Variants in CNBD1 observed in about 807,000 individuals in gnomAD.
CNBD1 encodes the protein cyclic nucleotide-binding domain-containing protein 1.
In CNBD1, 71 loss-of-function variants were observed where a neutral mutation model predicts 54.4. The ratio of observed to expected loss-of-function variants is 1.30; its 90% CI spans 1.08 to 1.59. The LOEUF (loss-of-function observed/expected upper bound fraction) is 1.59, where lower values mean the gene tolerates loss of function less well. Ranked by LOEUF, CNBD1 falls within the 40% of genes most tolerant of loss-of-function variation. The pLI is 0.00. For missense variants in CNBD1, 659 were observed against 518.0 expected (o/e 1.27, Z -2.64); for synonymous variants, 182 against 170.7 (o/e 1.07, Z -0.51).
intron 4 of CNBD1, among the ~76,000 whole-genome samples, chr8:87,101,599 A>T (rs1470172434): frequency 6.6e-6 from 1 of 152,202 alleles, no homozygotes; most frequent in Middle Eastern, 3.2e-3. Flanking sequence ...ACAAAATGTC[A>T]ATAATAATGT....
chr8:87,428,106 A>G (rs1808079865), intron 2 of CNBD1, among the ~76,000 whole-genome samples: 1 of 151,448 alleles, frequency 6.6e-6, no homozygotes, highest in African/African-American at 2.4e-5. Context: ...ACATGCCTAT[A>G]TCTTAGGAGC....
intron 4 of CNBD1, among the ~76,000 whole-genome samples, chr8:87,055,895 C>G (rs1586226668): frequency 1.2e-5 from 1 of 84,288 alleles, no homozygotes; most frequent in Admixed American, 1.1e-4. Context: ...TCCTTCCTTC[C>G]TTCCTTCCTT....
chr8:87,424,634 G>T (rs1170579891), intron 2 of CNBD1, among the ~76,000 whole-genome samples: 6 of 152,158 alleles, frequency 3.9e-5, no homozygotes, highest in Non-Finnish European at 7.4e-5. Flanking sequence ...ACTGTGGTCT[G>T]AGAGAGACCC....
At chr8:87,380,330 A>T (rs1586065176) in intron 10 of CNBD1, among the ~76,000 whole-genome samples, 1 of 151,854 alleles carries the variant, frequency 6.6e-6, no homozygotes, top group East Asian at 1.9e-4. Flanking sequence ...TTGATCATAT[A>T]TACATGGATT....
chr8:87,090,526 C>T (rs1003880724), intron 4 of CNBD1, among the ~76,000 whole-genome samples: 1 of 152,134 alleles, frequency 6.6e-6, no homozygotes, highest in Non-Finnish European at 1.5e-5. Context: ...ATGTAAGTGT[C>T]TACAACAGCA....
chr8:87,175,251 T>C (rs1813173508), intron 4 of CNBD1, among the ~76,000 whole-genome samples: 1 of 152,128 alleles, frequency 6.6e-6, no homozygotes, highest in African/African-American at 2.4e-5. Flanking sequence ...GCCAAGCTGG[T>C]ATCTAAGGTG....
At chr8:86,898,798 T>C (rs1288633258) in intron 2 of CNBD1, among the ~76,000 whole-genome samples, 2 of 152,118 alleles carry the variant, frequency 1.3e-5, no homozygotes, top group Non-Finnish European at 2.9e-5. Context: ...GCATGACTGA[T>C]GAAAGATAAA....
chr8:87,384,570 T>G (rs569251364), downstream of CNBD1, among the ~76,000 whole-genome samples: 17 of 152,270 alleles, frequency 1.1e-4, 2 homozygotes, highest in South Asian at 3.5e-3. Flanking sequence ...AAAATTAAAC[T>G]GCATAAAGTC....
intron 4 of CNBD1, among the ~76,000 whole-genome samples, chr8:87,070,777 A>G (rs1022104219): frequency 6.6e-6 from 1 of 152,110 alleles, no homozygotes; most frequent in Non-Finnish European, 1.5e-5. Flanking sequence ...TAACCCAAGC[A>G]GTAAATATTT....
Position 87,163,200 on chromosome 8 carries a change from AT to A in CNBD1, c.432-42792del, listed in dbSNP as rs1812892645. Among the ~76,000 whole-genome samples, 1 of 152,124 alleles carries A rather than the reference AT, an allele frequency of 6.6e-6. No individual in the cohort carries two copies. The stretch of plus-strand genomic sequence containing the variant: ...ACAAATGTACAATATTTTGGTATTA[AT>A]AACATCTCATTTCTGAGATAAGCTT... On this transcript the variant is annotated intron_variant, in intron 4 of 10. Transcript: ENST00000518476. The surrounding 1 kb of genome is among the most constrained non-coding windows in gnomAD (Gnocchi z 4.5).
At chr8:87,089,078 A>G (rs1331905850) in intron 4 of CNBD1, among the ~76,000 whole-genome samples, 1 of 152,168 alleles carries the variant, frequency 6.6e-6, no homozygotes, top group African/African-American at 2.4e-5. Context: ...TTGATAAAAA[A>G]GAGAAACAAA....
At chr8:87,066,734 A>G (rs1477471206) in intron 4 of CNBD1, among the ~76,000 whole-genome samples, 2 of 151,948 alleles carry the variant, frequency 1.3e-5, no homozygotes, top group African/African-American at 2.4e-5. Flanking sequence ...TTCTGTAAAA[A>G]TTGCTTCAAT....
At chr8:87,298,035 G>A (rs1404183856) in intron 8 of CNBD1, among the ~76,000 whole-genome samples, 1 of 151,368 alleles carries the variant, frequency 6.6e-6, no homozygotes, top group Non-Finnish European at 1.5e-5. Context: ...TATTAATATA[G>A]ATTTGTATAA....
intron 2 of CNBD1, among the ~76,000 whole-genome samples, chr8:87,422,122 G>C (rs1000797566): frequency 2.0e-5 from 3 of 146,428 alleles, no homozygotes; most frequent in Admixed American, 6.8e-5. Context: ...TGATGGGGCT[G>C]TTTGTTTTTT....
chr8:87,195,317 C>T (rs1813695471), intron 4 of CNBD1, among the ~76,000 whole-genome samples: 1 of 150,808 alleles, frequency 6.6e-6, no homozygotes, highest in Non-Finnish European at 1.5e-5. Flanking sequence ...CAACCTCCAC[C>T]TCCCAGGTTC....
chr8:86,946,415 T>C (rs1807467726), intron 4 of CNBD1, among the ~76,000 whole-genome samples: 1 of 152,172 alleles, frequency 6.6e-6, no homozygotes, highest in Non-Finnish European at 1.5e-5. Flanking sequence ...ACCTTTGTTC[T>C]ATTGTTTAGA....
At chr8:87,312,708 G>GT (rs1251807042) in intron 8 of CNBD1, among the ~76,000 whole-genome samples, 10 of 151,764 alleles carry the variant, frequency 6.6e-5, no homozygotes, top group Admixed American at 2.0e-4. Context: ...ATTTCGAGGT[G>GT]TTTTTTTAAA....
At chr8:87,193,571 A>T (rs188762485) in intron 4 of CNBD1, among the ~76,000 whole-genome samples, 1 of 152,206 alleles carries the variant, frequency 6.6e-6, no homozygotes, top group Non-Finnish European at 1.5e-5. Context: ...TTGAGAAGTA[A>T]CAATAATCAG....
At chr8:87,044,214 T>G (rs913422076) in intron 4 of CNBD1, among the ~76,000 whole-genome samples, 1 of 149,190 alleles carries the variant, frequency 6.7e-6, no homozygotes, top group Non-Finnish European at 1.5e-5. Context: ...TTTTGTGGGT[T>G]TTTTTTTTGT....
Sources: gnomAD v4.1 joint callset for allele counts (sites outside exome capture counted in the v4.1 genomes callset) on GRCh38, gnomAD v4.1.1 for gene constraint, Gnocchi (gnomAD v3.1) non-coding constraint, MANE v1.5 for transcripts, NCBI Gene and HGNC (gene_info 2026-07-23, HGNC 2026-07-21) for gene names.